ITSN2: variants seen among roughly 807,000 people sequenced by gnomAD.
ITSN2 encodes intersectin-2.
A neutral mutation model predicts 243.7 loss-of-function variants in ITSN2; 156 were observed. The observed-to-expected ratio is 0.64, with a 90% CI of 0.56 to 0.73. The LOEUF (loss-of-function observed/expected upper bound fraction) is 0.73, where lower values mean the gene tolerates loss of function less well. Ranked by LOEUF, ITSN2 falls within the 30% of genes least tolerant of loss-of-function variation. The pLI is 0.00. For synonymous variants in ITSN2, 703 were observed against 699.9 expected (o/e 1.00, Z -0.07); for missense variants, 1,801 against 1,996.1 (o/e 0.90, Z 1.86).
At chr2:24,328,987 T>TA (rs1010444333) in intron 1 of ITSN2, among the ~76,000 whole-genome samples, 35 of 152,232 alleles carry the variant, frequency 2.3e-4, no homozygotes, top group African/African-American at 8.2e-4. Context: ...CCAGCTCTGC[T>TA]ATTCTCCCAG....
chr2:24,267,043 C>T (rs1676736860), intron 20 of ITSN2, among the ~76,000 whole-genome samples: 1 of 152,146 alleles, frequency 6.6e-6, no homozygotes, highest in Non-Finnish European at 1.5e-5. Flanking sequence ...TATTTCAATG[C>T]TGCAAAATGC....
chr2:24,327,068 C>T (rs1283915341), intron 2 of ITSN2, among the ~76,000 whole-genome samples: 2 of 151,748 alleles, frequency 1.3e-5, no homozygotes, highest in Non-Finnish European at 2.9e-5. Context: ...TATTTATCTA[C>T]AATTAGCTAA....
Position 24,295,763 on chromosome 2 carries a change from G to A in ITSN2, c.1536C>T (p.Val512=), listed in dbSNP as rs1485967392. ...HQQISGRLQD[V]RLKKQTQKTE... Reference sequence around the variant, plus strand: ...TCTTTTGAGTTTGCTTTTTGAGTCGGACATCCTGAAGTCTGCCTGAGATCT... The same window carrying A: ...TCTTTTGAGTTTGCTTTTTGAGTCGAACATCCTGAAGTCTGCCTGAGATCT... Residue 512 remains valine, a synonymous_variant, in exon 14 of 40, where the codon GTC becomes GTT. Transcript: ENST00000355123. The A allele has an allele frequency of 6.4e-7, 1 of 1,565,102 alleles. No homozygotes were observed. The highest frequency in any genetic ancestry group is 8.6e-7 in the Non-Finnish European group (1 of 1,160,924).
chr2:24,340,081 T>C (rs1362122623), intron 1 of ITSN2, among the ~76,000 whole-genome samples: 2 of 151,886 alleles, frequency 1.3e-5, no homozygotes, highest in Non-Finnish European at 2.9e-5. Flanking sequence ...CCAAAGAGAT[T>C]AAGTAACCAA....
intron 29 of ITSN2, chr2:24,241,910 G>A (rs1672774022): frequency 6.6e-6 from 1 of 152,558 alleles, no homozygotes; most frequent in East Asian, 1.9e-4. Flanking sequence ...AACTCAATAT[G>A]CATGCTAATG....
chr2:24,332,253 G>A (rs532778620), intron 1 of ITSN2, among the ~76,000 whole-genome samples: 1 of 152,152 alleles, frequency 6.6e-6, no homozygotes, highest in Admixed American at 6.5e-5. Context: ...AAAAAAAAAG[G>A]AAAATTGTTG....
chr2:24,259,218 A>G (rs1675482529), intron 22 of ITSN2, among the ~76,000 whole-genome samples: 1 of 152,202 alleles, frequency 6.6e-6, no homozygotes. Context: ...TGCTCACGCT[A>G]AAGACTGAAG....
At chr2:24,349,603 C>G (rs1034992561) in intron 1 of ITSN2, among the ~76,000 whole-genome samples, 6 of 152,034 alleles carry the variant, frequency 3.9e-5, no homozygotes, top group African/African-American at 1.4e-4. Context: ...TGGGAAAGAC[C>G]CTTCCAATTA....
At chr2:24,236,815 G>T (rs373537178) in intron 29 of ITSN2, among the ~76,000 whole-genome samples, 1 of 151,120 alleles carries the variant, frequency 6.6e-6, no homozygotes, top group Non-Finnish European at 1.5e-5. Flanking sequence ...GACTACAGGC[G>T]TGCAGCAGCA....
At chr2:24,261,011 AAATG>A in intron 22 of ITSN2, 91 bp downstream of exon 22, 1 of 1,083,554 alleles carries the variant, frequency 9.2e-7, no homozygotes, top group Non-Finnish European at 1.3e-6. Context: ...AACTCTGGTT[AAATG>A]AGTGAATGGT....
intron 29 of ITSN2, among the ~76,000 whole-genome samples, chr2:24,222,663 CTTTTCTTT>C (rs975308242): frequency 7.9e-6 from 1 of 126,354 alleles, no homozygotes; most frequent in Non-Finnish European, 1.7e-5. Context: ...AACTATTTTT[CTTTTCTTT>C]TTTTTTTTTT....
intron 1 of ITSN2, among the ~76,000 whole-genome samples, chr2:24,356,283 T>C (rs1688436820): frequency 6.7e-6 from 1 of 148,160 alleles, no homozygotes; most frequent in Non-Finnish European, 1.5e-5. Context: ...TAGGCAGAGA[T>C]TGTGGTGAGC....
At chr2:24,333,855 A>G (rs1419979616) in intron 1 of ITSN2, among the ~76,000 whole-genome samples, 3 of 152,178 alleles carry the variant, frequency 2.0e-5, no homozygotes, top group Non-Finnish European at 4.4e-5. Context: ...CACAGCCATT[A>G]TAAGTGAAAA....
chr2:24,343,834 A>G (rs1687279641), intron 1 of ITSN2, among the ~76,000 whole-genome samples: 1 of 152,176 alleles, frequency 6.6e-6, no homozygotes, highest in Admixed American at 6.6e-5. Context: ...CACAAACATT[A>G]TTTCCCTTAA....
chr2:24,285,703 T>C (rs1463587474), intron 16 of ITSN2, among the ~76,000 whole-genome samples: 1 of 152,232 alleles, frequency 6.6e-6, no homozygotes, highest in Non-Finnish European at 1.5e-5. Flanking sequence ...CGGCAAACAA[T>C]GAATCATTAA....
Position 24,204,355 on chromosome 2 carries a change from T to C in ITSN2, c.4826A>G (p.Gln1609Arg). The change falls in exon 39 of 40, where the codon CAG becomes CGG. Residue 1609 changes from glutamine (Q) to arginine (R), a missense_variant. Transcript: ENST00000355123. The surrounding 1 kb of genome is among the most constrained non-coding windows in gnomAD (Gnocchi z 5.1). ...GSQSYTTRTIQDTLNPKWNFN... is the reference protein window; with the variant it reads ...GSQSYTTRTIRDTLNPKWNFN... ...ATTCCACTTGGGATTGAGTGTGTCC[T>C]GGATGGTCCTGGTGGTGTAGCTCTG... 6.2e-7 allele frequency: 1 copy of C among 1,614,210 alleles called. No individual in the cohort carries two copies. The highest frequency in any genetic ancestry group is 1.1e-5 in the South Asian group (1 of 91,088).
intron 1 of ITSN2, chr2:24,334,712 C>T: frequency 6.3e-7 from 1 of 1,585,752 alleles, no homozygotes; most frequent in Non-Finnish European, 8.6e-7. Flanking sequence ...GAAGATTGTG[C>T]TAAGGCTTGA....
At chr2:24,319,300 C>T (rs765590142) in intron 2 of ITSN2, among the ~76,000 whole-genome samples, 2 of 152,088 alleles carry the variant, frequency 1.3e-5, no homozygotes, top group Non-Finnish European at 2.9e-5. Flanking sequence ...GAGGAAGAAA[C>T]GCCTTAGACC....
intron 1 of ITSN2, among the ~76,000 whole-genome samples, chr2:24,349,384 G>C (rs940534601): frequency 1.3e-5 from 2 of 152,212 alleles, no homozygotes; most frequent in Non-Finnish European, 2.9e-5. Flanking sequence ...TATTTAATTT[G>C]AGTGGTCATA....
Sources: gnomAD v4.1 joint callset for allele counts (sites outside exome capture counted in the v4.1 genomes callset) on GRCh38, gnomAD v4.1.1 for gene constraint, Gnocchi (gnomAD v3.1) non-coding constraint, MANE v1.5 for transcripts, NCBI Gene and HGNC (gene_info 2026-07-23, HGNC 2026-07-21) for gene names.